The following PCDHA6 variants were observed in gnomAD, a reference collection of about 807,000 sequenced individuals.
PCDHA6 encodes the protein protocadherin alpha 6, also known as protocadherin alpha-6.
Under a neutral mutation model 60.3 loss-of-function variants are expected in PCDHA6, and 55 were observed. The ratio of observed to expected loss-of-function variants is 0.91; its 90% confidence interval spans 0.73 to 1.14. PCDHA6 has a LOEUF of 1.14. PCDHA6 is among the 50% of genes most tolerant of loss of function. The probability of loss-of-function intolerance (pLI) is 0.00; values close to 1 mark genes in which losing one functional copy is unlikely to be tolerated. For synonymous variants in PCDHA6, 652 were observed against 557.9 expected (o/e 1.17, Z -2.38); for missense variants, 1,327 against 1,256.5 (o/e 1.06, Z -0.85).
chr5:140,870,260 G>C, intron 1 of PCDHA6: 3 of 1,614,200 alleles, frequency 1.9e-6, no homozygotes, highest in Non-Finnish European at 2.5e-6. Flanking sequence ...CAGGTGACCT[G>C]CTCGCTGACG....
Position 140,858,184 on chromosome 5 carries a change from G to T in PCDHA6, c.2394+27699G>T, listed in dbSNP as rs782618700. The T allele has an allele frequency of 3.1e-6, 5 of 1,597,468 alleles. 1 individual carries two copies. In the South Asian group the frequency reaches 4.4e-5, roughly 14 times the overall value. Reference sequence around the variant, plus strand: ...CGGTGTCCAGCTTGCTGGTGCTCACGCTGCTGCTGTACACTGCACTGAGGT... The same window carrying T: ...CGGTGTCCAGCTTGCTGGTGCTCACTCTGCTGCTGTACACTGCACTGAGGT... On this transcript the variant is annotated intron_variant, in intron 1 of 3. Transcript: ENST00000529310.
intron 1 of PCDHA6, among the ~76,000 whole-genome samples, chr5:140,953,877 ACCCATCAC>A (rs1252251050): frequency 6.6e-6 from 1 of 152,098 alleles, no homozygotes; most frequent in Non-Finnish European, 1.5e-5. Context: ...GCACAGATCA[ACCCATCAC>A]CTAGGTATTA....
intron 1 of PCDHA6, chr5:140,869,684 T>A: frequency 6.2e-7 from 1 of 1,613,486 alleles, no homozygotes; most frequent in Non-Finnish European, 8.5e-7. Context: ...AGACTGTCAC[T>A]TATTTTAAAG....
intron 1 of PCDHA6, among the ~76,000 whole-genome samples, chr5:140,946,628 A>ATATATATATATATATATATATATATATC (rs2093986423): frequency 7.4e-6 from 1 of 134,528 alleles, no homozygotes; most frequent in Non-Finnish European, 1.6e-5. Context: ...ATATATATAT[A>ATATATATATATATATATATATATATATC]TATACAATGG....
At position 140,877,299 on chromosome 5, in the gene PCDHA6, C is replaced by A. The variant is rs374061607; in HGVS notation, c.2394+46814C>A. 1,401 of 1,613,926 alleles carry A rather than the reference C, an allele frequency of 8.7e-4. 20 individuals carry two copies. The South Asian group carries it at 0.013, about 15-fold the overall frequency. On this transcript the variant is annotated intron_variant, in intron 1 of 3. Transcript: ENST00000529310. ...CCGGCTATAACGCTTGGCTGTCCTA[C>A]GAGTTGCAACCGGCGGCGGTCGGCG...
In PCDHA6 at chr5:140,853,104, C is replaced by T. The variant is rs1299242689; in HGVS notation, c.2394+22619C>T. 2.1e-5 allele frequency: 8 copies of T among 388,186 alleles called. 1 individual carries two copies. The highest frequency in any genetic ancestry group is 4.4e-5 in the African/African-American group (2 of 45,392). 24.0% of individuals were successfully genotyped at this position (388,186 alleles called of 1,614,324 possible). A position where few individuals can be genotyped will look rare whatever the true frequency, so the allele number is the denominator to read the frequency against. ...CCGTGTTAGTCAGGATGGTCTCGAT[C>T]TCCTGACCTCATGATCCTCCCGCCT... On this transcript the variant is annotated intron_variant, in intron 1 of 3. Coordinates refer to ENST00000529310, the MANE Select transcript of PCDHA6 (RefSeq NM_018909.4).
chr5:140,836,649 C>T (rs2150266865), intron 1 of PCDHA6: 10 of 1,613,466 alleles, frequency 6.2e-6, no homozygotes, highest in Non-Finnish European at 8.5e-6. Flanking sequence ...GCAGAGGCGG[C>T]AGAGGGTGTG....
At chr5:140,966,707 A>T in intron 1 of PCDHA6, 2 of 1,379,868 alleles carry the variant, frequency 1.4e-6, no homozygotes, top group Non-Finnish European at 9.3e-7. Flanking sequence ...GGCGTGGGGC[A>T]CGGCTGGGGA....
At chr5:140,945,243 A>G (rs1554216829) in intron 1 of PCDHA6, among the ~76,000 whole-genome samples, 1 of 152,166 alleles carries the variant, frequency 6.6e-6, no homozygotes, top group Admixed American at 6.5e-5. Flanking sequence ...AATTTAACCA[A>G]GAGGATGAAA....
rs557419543 is a variant in PCDHA6, at chr5:140,854,019, G to A, written c.2394+23534G>A. On this transcript the variant is annotated intron_variant, in intron 1 of 3. Transcript: ENST00000529310. ...CTCTGCCAAAAAAAAAAAATTAGCCGGGCATGGTGGCACACATCTCTAGTC... is the reference window on the plus strand; with the variant it reads ...CTCTGCCAAAAAAAAAAAATTAGCCAGGCATGGTGGCACACATCTCTAGTC... 8.1e-5 allele frequency: 27 copies of A among 335,108 alleles called. No homozygotes were observed. In the South Asian group the frequency reaches 3.3e-3, roughly 41 times the overall value. 20.8% of individuals were successfully genotyped at this position (335,108 alleles called of 1,614,324 possible). A position where few individuals can be genotyped will look rare whatever the true frequency, so the allele number is the denominator to read the frequency against.
intron 1 of PCDHA6, among the ~76,000 whole-genome samples, chr5:140,920,775 T>G (rs1007654952): frequency 5.4e-5 from 8 of 147,470 alleles, no homozygotes; most frequent in African/African-American, 1.8e-4. Context: ...ACCTGGGAGG[T>G]GGAGGTTGCA....
intron 1 of PCDHA6, among the ~76,000 whole-genome samples, chr5:140,833,258 A>G (rs2150207264): frequency 1.3e-5 from 2 of 152,334 alleles, no homozygotes; most frequent in South Asian, 4.1e-4. Flanking sequence ...CCAGGAGAGC[A>G]GCAATTATAA....
At chr5:140,834,489 C>T (rs141682483) in intron 1 of PCDHA6, 4 of 1,614,000 alleles carry the variant, frequency 2.5e-6, no homozygotes, top group Admixed American at 1.7e-5. Context: ...CTACTCGGTC[C>T]CCGAGGAGGC....
chr5:140,864,968 G>C (rs1354647495), intron 1 of PCDHA6: 1 of 152,146 alleles, frequency 6.6e-6, no homozygotes, highest in Non-Finnish European at 1.5e-5. Flanking sequence ...GAAGCCGAGG[G>C]AGGAGGATCG....
intron 3 of PCDHA6, among the ~76,000 whole-genome samples, chr5:140,991,746 T>C (rs74524919): frequency 0.01 from 1,537 of 152,318 alleles, 24 homozygotes; most frequent in African/African-American, 0.035. Flanking sequence ...GTAGGCTCTT[T>C]CTATCATGCT....
At chr5:140,871,097 T>A in intron 1 of PCDHA6, 1 of 1,613,266 alleles carries the variant, frequency 6.2e-7, no homozygotes, top group Admixed American at 1.7e-5. Flanking sequence ...GCCACCGTGC[T>A]GGTGTCGTTG....
chr5:140,888,270 G>A (rs965190959), intron 1 of PCDHA6, among the ~76,000 whole-genome samples: 9 of 152,102 alleles, frequency 5.9e-5, no homozygotes. Flanking sequence ...ATAAGAAACA[G>A]TTTTGTCCCC....
At chr5:140,856,183 C>T (rs1337355592) in intron 1 of PCDHA6, 8 of 1,598,070 alleles carry the variant, frequency 5.0e-6, no homozygotes, top group African/African-American at 2.7e-5. Flanking sequence ...CCTTCGTGGG[C>T]CGCATCGCGC....
chr5:140,886,087 A>G (rs944362157), intron 1 of PCDHA6, among the ~76,000 whole-genome samples: 2 of 152,324 alleles, frequency 1.3e-5, no homozygotes, highest in Admixed American at 6.5e-5. Flanking sequence ...CAACCTGGAT[A>G]TTGACATTGA....
Sources: allele counts gnomAD v4.1 joint callset (sites outside exome capture counted in the v4.1 genomes callset), GRCh38; gene constraint gnomAD v4.1.1; transcripts MANE v1.5; gene names NCBI Gene and HGNC (gene_info 2026-07-23, HGNC 2026-07-21).